Variants in DLGAP2 observed in about 807,000 individuals in gnomAD.
The protein encoded by DLGAP2 is disks large-associated protein 2.
DLGAP2 carries 26 observed loss-of-function variants against 100.3 expected under a neutral mutation model. That is an observed-to-expected ratio of 0.26 (90% CI 0.19 to 0.36). The LOEUF (loss-of-function observed/expected upper bound fraction) is 0.36, where lower values mean the gene tolerates loss of function less well. Among genes scored for constraint, DLGAP2 ranks in the 10% least tolerant of loss-of-function variants. The probability of loss-of-function intolerance (pLI) is 1.00; values close to 1 mark genes in which losing one functional copy is unlikely to be tolerated. For missense variants in DLGAP2, 1,858 were observed against 1,453.2 expected (o/e 1.28, Z -4.53); for synonymous variants, 886 against 630.1 (o/e 1.41, Z -6.08).
At chr8:1,589,189 TAAGAA>T (rs1284930736) in intron 6 of DLGAP2, among the ~76,000 whole-genome samples, 1 of 152,192 alleles carries the variant, frequency 6.6e-6, no homozygotes, top group Non-Finnish European at 1.5e-5. Context: ...AGCACTAAAA[TAAGAA>T]AAGATAACTG....
chr8:1,604,764 A>G (rs1584982541), intron 6 of DLGAP2: 1 of 152,222 alleles, frequency 6.6e-6, no homozygotes, highest in African/African-American at 2.4e-5. Context: ...TAAAGTGACA[A>G]CAGTCAAAAA....
intron 1 of DLGAP2, among the ~76,000 whole-genome samples, chr8:805,826 C>T (rs1272727396): frequency 2.6e-5 from 4 of 152,144 alleles, no homozygotes; most frequent in East Asian, 1.9e-4. Flanking sequence ...ACGCAGCCTG[C>T]GCTGTGATTT....
At chr8:779,636 A>T (rs143247936) in intron 1 of DLGAP2, among the ~76,000 whole-genome samples, 12 of 151,662 alleles carry the variant, frequency 7.9e-5, no homozygotes, top group African/African-American at 2.9e-4. Context: ...GCCTAATAGC[A>T]TTATTTTCTG....
intron 3 of DLGAP2, among the ~76,000 whole-genome samples, chr8:1,435,503 G>T (rs920974664): frequency 3.0e-4 from 45 of 152,134 alleles, no homozygotes; most frequent in African/African-American, 9.9e-4. Context: ...GAAACCCCCT[G>T]TGCAGCCACC....
chr8:768,758 C>T (rs138559044), intron 1 of DLGAP2, among the ~76,000 whole-genome samples: 1 of 152,074 alleles, frequency 6.6e-6, no homozygotes, highest in Non-Finnish European at 1.5e-5. Flanking sequence ...CTGGTGCACT[C>T]CAGCATCAAA....
At chr8:1,332,815 A>G (rs1190451721) in intron 3 of DLGAP2, among the ~76,000 whole-genome samples, 1 of 152,144 alleles carries the variant, frequency 6.6e-6, no homozygotes, top group Non-Finnish European at 1.5e-5. Context: ...CAAGCATCAG[A>G]TCAGCGTAGC....
intron 2 of DLGAP2, among the ~76,000 whole-genome samples, chr8:1,210,724 C>T (rs983054429): frequency 6.6e-6 from 1 of 151,094 alleles, no homozygotes. Flanking sequence ...ACTGACCCCC[C>T]ACCCCCGGCC....
chr8:1,519,973 A>G (rs1428468209), intron 4 of DLGAP2, among the ~76,000 whole-genome samples: 1 of 152,152 alleles, frequency 6.6e-6, no homozygotes, highest in Non-Finnish European at 1.5e-5. Context: ...AGTCTGCAGG[A>G]GGAGGAGGAG....
intron 3 of DLGAP2, among the ~76,000 whole-genome samples, chr8:1,270,477 C>T (rs569148321): frequency 3.9e-5 from 6 of 152,318 alleles, no homozygotes; most frequent in East Asian, 3.9e-4. Flanking sequence ...TCTTGCCTTA[C>T]GTCCAAGATT....
intron 6 of DLGAP2, among the ~76,000 whole-genome samples, chr8:1,578,684 C>T (rs1302467346): frequency 6.6e-6 from 1 of 152,214 alleles, no homozygotes; most frequent in East Asian, 1.9e-4. Context: ...TTAATATGCA[C>T]ATCCTAATTA....
chr8:1,689,286 C>T (rs531717016), intron 12 of DLGAP2, among the ~76,000 whole-genome samples: 74 of 152,200 alleles, frequency 4.9e-4, no homozygotes, highest in African/African-American at 1.7e-3. Flanking sequence ...AGGCCATGCC[C>T]GGCACAAGAT....
intron 2 of DLGAP2, among the ~76,000 whole-genome samples, chr8:1,027,958 C>G (rs1181828089): frequency 1.4e-5 from 2 of 145,838 alleles, no homozygotes; most frequent in African/African-American, 5.1e-5. Context: ...GTGCCAGGCG[C>G]TCGTTATTCT....
At chr8:1,004,866 G>C (rs1395916511) in intron 2 of DLGAP2, among the ~76,000 whole-genome samples, 1 of 152,170 alleles carries the variant, frequency 6.6e-6, no homozygotes, top group Non-Finnish European at 1.5e-5. Flanking sequence ...CTCAACTGTA[G>C]CAAAATGAAA....
chr8:1,526,940 C>A (rs959158492), intron 4 of DLGAP2, among the ~76,000 whole-genome samples: 1 of 152,244 alleles, frequency 6.6e-6, no homozygotes, highest in African/African-American at 2.4e-5. Flanking sequence ...GCAAAGGAAA[C>A]GTGGTGTGGC....
intron 6 of DLGAP2, among the ~76,000 whole-genome samples, chr8:1,568,960 T>C (rs2956921): frequency 5.0e-4 from 62 of 122,950 alleles, no homozygotes; most frequent in African/African-American, 6.6e-4. Context: ...CATGCCACTG[T>C]CCACTCAGCA....
At chr8:1,433,861 C>T (rs1291227924) in intron 3 of DLGAP2, among the ~76,000 whole-genome samples, 4 of 147,182 alleles carry the variant, frequency 2.7e-5, no homozygotes, top group Non-Finnish European at 3.0e-5. Context: ...TTCTAAATTT[C>T]TCCATGATGC....
intron 6 of DLGAP2, among the ~76,000 whole-genome samples, chr8:1,582,453 C>A (rs1803320536): frequency 6.6e-6 from 1 of 151,720 alleles, no homozygotes; most frequent in Admixed American, 6.6e-5. Flanking sequence ...AAGACGTTAG[C>A]CCAGAATTCT....
chr8:1,065,752 TGTG>T (rs779510397), intron 2 of DLGAP2, among the ~76,000 whole-genome samples: 1 of 152,206 alleles, frequency 6.6e-6, no homozygotes. Flanking sequence ...GTTTGCTCCT[TGTG>T]GGGGCAGTTC....
rs115044515 is a variant in DLGAP2 at position 1,267,954 on chromosome 8, T to C, written c.106+9071T>C. 6.3e-3 allele frequency among the ~76,000 whole-genome samples: 954 copies of C among 152,308 alleles called. 9 individuals carry two copies. The highest frequency in any genetic ancestry group is 0.02 in the African/African-American group (850 of 41,556). ...TCATGGATGTCTGTTCTTATTACAA[T>C]ATAAGTGCTGCATTTAGAATCAGAG... On this transcript the variant is annotated intron_variant, in intron 3 of 14. Coordinates refer to ENST00000637795, the MANE Select transcript of DLGAP2 (RefSeq NM_001346810.2).
Sources: gnomAD v4.1 joint callset for allele counts (sites outside exome capture counted in the v4.1 genomes callset) on GRCh38, gnomAD v4.1.1 for gene constraint, MANE v1.5 for transcripts, NCBI Gene and HGNC (gene_info 2026-07-23, HGNC 2026-07-21) for gene names.